Variants in WDPCP observed in about 807,000 individuals in gnomAD.
The protein encoded by WDPCP is WD repeat-containing and planar cell polarity effector protein fritz homolog.
Under a neutral mutation model 93.1 loss-of-function variants are expected in WDPCP, and 71 were observed. That is an observed-to-expected ratio of 0.76 (90% CI 0.63 to 0.93). The LOEUF (loss-of-function observed/expected upper bound fraction) is 0.93. Among genes scored for constraint, WDPCP ranks in the 40% least tolerant of loss-of-function variants. The pLI, the probability that WDPCP is intolerant of heterozygous loss-of-function variation, is 0.00. For synonymous variants in WDPCP, 315 were observed against 315.0 expected, an observed-to-expected ratio of 1.00 and a Z score of 0.00; for missense variants, 844 against 887.4, an observed-to-expected ratio of 0.95 and a Z score of 0.62.
rs570855627 is a variant in WDPCP, at chr2:63,402,011, GAC to G, written c.1435+2035_1435+2036del. 7.1e-4 allele frequency among the ~76,000 whole-genome samples: 108 copies of G among 152,100 alleles called. 1 individual carries two copies. The South Asian group carries it at 0.021, about 30-fold the overall frequency. ...GGAATATAAATCATTCTGCTATAAA[GAC>G]ACATGCATGTTTATTACACAACTAT... On this transcript the variant is annotated intron_variant, in intron 10 of 17. Transcript: ENST00000272321.
In WDPCP at chr2:63,604,260, A is replaced by G. The variant is rs566488911; in HGVS notation, n.488+46399T>C. Among the ~76,000 whole-genome samples the G allele has an allele frequency of 9.2e-5, 14 of 152,362 alleles. No individual in the cohort carries two copies. In the East Asian group the frequency reaches 2.7e-3, roughly 29 times the overall value. On this transcript the variant is annotated intron_variant and non_coding_transcript_variant, in intron 3 of 4. Transcript: ENST00000467687. ...CTATATGGTATATAATAAAAATTTT[A>G]CCTAAATATAAAGTGCCTAAATACC...
intron 14 of WDPCP, among the ~76,000 whole-genome samples, chr2:63,182,774 C>CTTTTT (rs531449446): frequency 2.2e-5 from 2 of 92,252 alleles, no homozygotes; most frequent in African/African-American, 4.1e-5. Flanking sequence ...TGGCCCTGGA[C>CTTTTT]TTTTTTTTTT....
chr2:63,582,925 C>T (rs1479433155), intron 1 of WDPCP, among the ~76,000 whole-genome samples: 1 of 152,026 alleles, frequency 6.6e-6, no homozygotes, highest in African/African-American at 2.4e-5. Context: ...AAAGGAACTA[C>T]ATTAGACAGA....
At chr2:63,779,525 G>A (rs1670356693) in intron 2 of WDPCP, among the ~76,000 whole-genome samples, 1 of 152,120 alleles carries the variant, frequency 6.6e-6, no homozygotes. Context: ...TCCACTTGAG[G>A]CTGAGAAGCA....
intron 1 of WDPCP, among the ~76,000 whole-genome samples, chr2:63,533,391 A>G (rs1704011908): frequency 6.6e-6 from 1 of 152,226 alleles, no homozygotes; most frequent in South Asian, 2.1e-4. Context: ...TCCACCCCAG[A>G]TCAACAGAAT....
At chr2:63,542,467 T>C (rs1418875271) in intron 1 of WDPCP, among the ~76,000 whole-genome samples, 2 of 152,228 alleles carry the variant, frequency 1.3e-5, no homozygotes, top group Non-Finnish European at 2.9e-5. Context: ...CTGGGTAATG[T>C]AGCTACCATG....
chr2:63,417,367 A>G (rs770217851), intron 9 of WDPCP, among the ~76,000 whole-genome samples: 1 of 152,184 alleles, frequency 6.6e-6, no homozygotes, highest in Non-Finnish European at 1.5e-5. Context: ...TAGTAGCTCA[A>G]TAAAACACTA....
intron 3 of WDPCP, chr2:63,622,859 C>G: frequency 6.3e-7 from 1 of 1,577,402 alleles, no homozygotes; most frequent in Non-Finnish European, 8.6e-7. Flanking sequence ...GCTCAGCACC[C>G]GCGCAGCATC....
rs1244933746 is a variant in WDPCP, at chr2:63,260,563, T to C, written c.1813-1154A>G. Among the ~76,000 whole-genome samples, 3 of 152,204 alleles carry C rather than the reference T, an allele frequency of 2.0e-5. No homozygotes were observed. In the East Asian group the frequency reaches 5.8e-4, roughly 29 times the overall value. ...GGTTAAGACTTTATTTATTAATTTA[T>C]TTTTTGAGACAGAGTCTCACTCTGT... On this transcript the variant is annotated intron_variant, in intron 13 of 17. Transcript: ENST00000272321.
In WDPCP at chr2:63,522,437, AAGAC is replaced by A. The variant is rs1163385259; in HGVS notation, c.76-29501_76-29498del. On this transcript the variant is annotated intron_variant, in intron 1 of 17. Transcript: ENST00000272321. ...AATCAGAGCTGAACTAAAGGAAATC[AAGAC>A]AGACAGACAGACAGACACACACACA... is the stretch of plus-strand genomic sequence containing the variant. Among the ~76,000 whole-genome samples, 89 of 131,886 alleles carry A rather than the reference AAGAC, an allele frequency of 6.7e-4. 1 individual carries two copies. The highest frequency in any genetic ancestry group is 3.3e-3 in the South Asian group (13 of 3,982). The allele number at this position is 131,886 out of a possible 152,430, so 86.5% of individuals were successfully genotyped here.
intron 14 of WDPCP, among the ~76,000 whole-genome samples, chr2:63,215,726 A>C (rs1677271358): frequency 6.6e-6 from 1 of 152,334 alleles, no homozygotes; most frequent in Non-Finnish European, 1.5e-5. Flanking sequence ...TAATTAAACT[A>C]AAGAGCTTCT....
rs1274773347 is a variant in WDPCP, at chr2:63,338,585, T to A, written c.1749-25274A>T. On this transcript the variant is annotated intron_variant, in intron 12 of 17. Coordinates refer to ENST00000272321, the MANE Select transcript of WDPCP (RefSeq NM_015910.7). ...AAAAAAAAAAATATATATATATATATATATATATATATATATATATATATA... is the reference window on the plus strand; with the variant it reads ...AAAAAAAAAAATATATATATATATAAATATATATATATATATATATATATA... Among the ~76,000 whole-genome samples, 3 of 34,952 alleles carry A rather than the reference T, an allele frequency of 8.6e-5. No homozygotes were observed. The African/African-American group carries it at 9.4e-4, about 11-fold the overall frequency. The allele number at this position is 34,952 out of a possible 152,430, so 22.9% of individuals were successfully genotyped here.
intron 6 of WDPCP, 50 bp from the exon 7 acceptor site, chr2:63,439,921 A>G: frequency 7.0e-7 from 1 of 1,433,966 alleles, no homozygotes. Flanking sequence ...GCTGTGATTT[A>G]GAATCTTTAA....
chr2:63,203,635 C>T (rs1049382633), intron 14 of WDPCP, among the ~76,000 whole-genome samples: 57 of 152,306 alleles, frequency 3.7e-4, no homozygotes, highest in African/African-American at 1.3e-3. Context: ...ATCCTCACTT[C>T]CCCGCTACCT....
intron 2 of WDPCP, chr2:63,711,558 G>T (rs535763409): frequency 1.3e-5 from 2 of 152,318 alleles, no homozygotes; most frequent in East Asian, 3.9e-4. Context: ...GGAGTTCCAG[G>T]TCAGCCTGGA....
intron 6 of WDPCP, among the ~76,000 whole-genome samples, chr2:63,452,570 T>C (rs1698330140): frequency 6.6e-6 from 1 of 152,182 alleles, no homozygotes; most frequent in Non-Finnish European, 1.5e-5. Flanking sequence ...ATTGACTTTC[T>C]TCACAGAATT....
At chr2:63,182,952 T>C (rs1322923288) in intron 14 of WDPCP, among the ~76,000 whole-genome samples, 4 of 151,880 alleles carry the variant, frequency 2.6e-5, no homozygotes, top group Admixed American at 6.6e-5. Context: ...ATGGTAGTCT[T>C]TGATGATCAC....
At chr2:63,563,410 A>G (rs1045916815) in intron 1 of WDPCP, among the ~76,000 whole-genome samples, 21 of 152,074 alleles carry the variant, frequency 1.4e-4, no homozygotes, top group African/African-American at 4.8e-4. Flanking sequence ...AGTAAAATTT[A>G]TCACTGATTA....
chr2:63,438,691 A>G (rs1402666645), intron 7 of WDPCP, among the ~76,000 whole-genome samples: 2 of 152,042 alleles, frequency 1.3e-5, no homozygotes, highest in African/African-American at 4.8e-5. Flanking sequence ...TAATGTTGCT[A>G]ATTATGGCCA....
Sources: allele counts gnomAD v4.1 joint callset (sites outside exome capture counted in the v4.1 genomes callset), GRCh38; gene constraint gnomAD v4.1.1; transcripts MANE v1.5; gene names NCBI Gene and HGNC (gene_info 2026-07-23, HGNC 2026-07-21).